Variants in HYLS1 observed in about 807,000 individuals in gnomAD.
The protein encoded by HYLS1 is centriolar and ciliogenesis-associated protein HYLS1.
A neutral mutation model predicts 29.4 loss-of-function variants in HYLS1; 25 were observed. The ratio of observed to expected loss-of-function variants is 0.85; its 90% CI spans 0.62 to 1.19. HYLS1 has a LOEUF of 1.19. Among genes scored for constraint, HYLS1 ranks in the 50% most tolerant of loss-of-function variants. The pLI is 0.00. For missense variants in HYLS1, 352 were observed against 365.1 expected (o/e 0.96, Z 0.29); for synonymous variants, 128 against 126.7 (o/e 1.01, Z -0.07).
intron 2 of HYLS1, chr11:125,893,676 T>TTAA: frequency 1.3e-6 from 1 of 779,994 alleles, no homozygotes; most frequent in South Asian, 3.2e-5. Flanking sequence ...TTTTTTCTTT[T>TTAA]AAGAGCTGAT....
At chr11:125,896,325 C>G (rs752289202) in intron 2 of HYLS1, 1 of 1,532,376 alleles carries the variant, frequency 6.5e-7, no homozygotes, top group East Asian at 2.3e-5. Context: ...TACAGGTCTG[C>G]CCTGTCTGAA....
rs1256061630 is a variant in HYLS1 at position 125,890,938 on chromosome 11, A to AT, written c.-75-485_-75-484insT. On this transcript the variant is annotated intron_variant, in intron 1 of 2. Transcript: ENST00000425380. ...ATAGTAGGACACATGCCATTAAAAA[A>AT]AAAAACTAACTCTTGGCTTTACTGC... 5.9e-5 allele frequency among the ~76,000 whole-genome samples: 9 copies of AT among 152,306 alleles called. No individual in the cohort carries two copies. In the East Asian group the frequency reaches 1.7e-3, roughly 29 times the overall value.
Position 125,899,620 on chromosome 11 carries a change from G to A in HYLS1, c.252G>A (p.Glu84=), listed in dbSNP as rs2134258130. Residue 84 remains glutamate, a synonymous_variant, in exon 3 of 3, where the codon GAG becomes GAA. Transcript: ENST00000425380. ...ESNVPSETVS[E]ASQRLRKPVM... is the part of the protein sequence containing the mutation. ...ATGTCCCTTCAGAAACAGTCTCTGAGGCCTCCCAAAGACTCCGAAAGCCAG... is the reference window on the plus strand; with the variant it reads ...ATGTCCCTTCAGAAACAGTCTCTGAAGCCTCCCAAAGACTCCGAAAGCCAG... The A allele has an allele frequency of 6.2e-7, 1 of 1,614,158 alleles. No individual in the cohort carries two copies. Among genetic ancestry groups the A allele is most frequent in the Non-Finnish European group, 8.5e-7 (1 of 1,180,032 alleles).
chr11:125,886,826 G>A (rs1376345488), upstream of HYLS1, among the ~76,000 whole-genome samples: 2 of 145,500 alleles, frequency 1.4e-5, no homozygotes, highest in African/African-American at 5.1e-5. Flanking sequence ...CAGGAGAATC[G>A]CTTGAACCTG....
chr11:125,900,291 G>C lies in HYLS1; in HGVS notation c.*23G>C. 1.2e-6 allele frequency: 2 copies of C among 1,611,264 alleles called. No homozygotes were observed. The highest frequency in any genetic ancestry group is 2.2e-5 in the South Asian group (2 of 90,834). ...TAAATCTTTTTAAACTTCTTTCACA[G>C]GATTGTTTGAGATAACCTAGCTCTT... On this transcript the variant is annotated 3_prime_UTR_variant, in exon 3 of 3. Transcript: ENST00000425380.
chr11:125,885,874 T>C (rs1944297149), upstream of HYLS1, among the ~76,000 whole-genome samples: 1 of 152,078 alleles, frequency 6.6e-6, no homozygotes, highest in African/African-American at 2.4e-5. Flanking sequence ...GGGATCTAGG[T>C]TGCATGCTCC....
upstream of HYLS1, among the ~76,000 whole-genome samples, chr11:125,885,776 T>C (rs1944295578): frequency 6.6e-6 from 1 of 152,256 alleles, no homozygotes; most frequent in Non-Finnish European, 1.5e-5. Context: ...CCATCTGGCA[T>C]TACTGCCTGA....
intron 2 of HYLS1, chr11:125,893,724 T>G (rs1433226780): frequency 3.5e-6 from 5 of 1,416,558 alleles, no homozygotes; most frequent in Admixed American, 2.6e-5. Flanking sequence ...AATTTTTTTT[T>G]TTTTCCTTTT....
chr11:125,896,715 T>G (rs551148821), intron 2 of HYLS1, among the ~76,000 whole-genome samples: 1 of 152,354 alleles, frequency 6.6e-6, no homozygotes, highest in Admixed American at 6.5e-5. Context: ...AGTCATAAGA[T>G]TTCTTTATAT....
rs561512418 is a variant in HYLS1, at chr11:125,890,419, C to T, written c.-75-1004C>T. Among the ~76,000 whole-genome samples the T allele has an allele frequency of 3.0e-4, 46 of 152,174 alleles. 1 individual carries two copies. In the South Asian group the frequency reaches 9.6e-3, roughly 32 times the overall value. On this transcript the variant is annotated intron_variant, in intron 1 of 2. Coordinates refer to ENST00000425380, the MANE Select transcript of HYLS1 (RefSeq NM_001134793.2). ...TTGCCTTCATTATGGTATTGTTTGCCTTTGTGGTAGGATGTTTTGTTTTGT... is the reference window on the plus strand; with the variant it reads ...TTGCCTTCATTATGGTATTGTTTGCTTTTGTGGTAGGATGTTTTGTTTTGT...
chr11:125,895,487 T>C lies in HYLS1; in HGVS notation c.-25-3857T>C, dbSNP rs75995371. 1.9e-6 allele frequency: 3 copies of C among 1,614,164 alleles called. No homozygotes were observed. In the East Asian group the frequency reaches 6.7e-5, roughly 36 times the overall value. On this transcript the variant is annotated intron_variant, in intron 2 of 2. Coordinates refer to ENST00000425380, the MANE Select transcript of HYLS1 (RefSeq NM_001134793.2). ...TAATCACACCGTTGGCTACATCCAT[T>C]TTACACAAGTTCCTGAAATCATGGG...
chr11:125,891,070 T>A (rs934975325), intron 1 of HYLS1, among the ~76,000 whole-genome samples: 3 of 152,234 alleles, frequency 2.0e-5, no homozygotes, highest in Non-Finnish European at 4.4e-5. Flanking sequence ...TTCCAACATT[T>A]ATTTAGTCCT....
chr11:125,898,452 G>A (rs56270014), intron 2 of HYLS1, among the ~76,000 whole-genome samples: 27,882 of 152,072 alleles, frequency 0.18, 2,582 homozygotes, highest in Middle Eastern at 0.2. Flanking sequence ...AGGCGGGTGG[G>A]TTGCCTGAGG....
intron 1 of HYLS1, among the ~76,000 whole-genome samples, chr11:125,889,318 A>G (rs892704180): frequency 6.6e-6 from 1 of 152,182 alleles, no homozygotes; most frequent in Non-Finnish European, 1.5e-5. Flanking sequence ...ATAAAATGGT[A>G]TGGTAGTGGT....
intron 2 of HYLS1, among the ~76,000 whole-genome samples, chr11:125,897,976 TTCA>T (rs1411594135): frequency 6.6e-6 from 1 of 152,192 alleles, no homozygotes; most frequent in African/African-American, 2.4e-5. Flanking sequence ...TTATGATACA[TTCA>T]TACATTGGAA....
intron 1 of HYLS1, among the ~76,000 whole-genome samples, chr11:125,890,766 A>G (rs902175249): frequency 5.3e-5 from 8 of 152,160 alleles, no homozygotes; most frequent in African/African-American, 1.9e-4. Flanking sequence ...TTTATATTAG[A>G]AAGAGAAGGA....
Position 125,896,127 on chromosome 11 carries a change from C to T in HYLS1, c.-25-3217C>T, listed in dbSNP as rs117878071. The T allele has an allele frequency of 4.8e-3, 7,709 of 1,614,160 alleles. 21 individuals carry two copies. The highest frequency in any genetic ancestry group is 5.9e-3 in the Non-Finnish European group (7,009 of 1,180,004). The stretch of plus-strand genomic sequence containing the variant: ...GCCATGAGCACTGAAATCAAATGCA[C>T]GCTTAGTTTTTCCAGCTCCTGCTGA... On this transcript the variant is annotated intron_variant, in intron 2 of 2. Transcript: ENST00000425380.
At chr11:125,895,171 C>G in intron 2 of HYLS1, 1 of 1,439,920 alleles carries the variant, frequency 6.9e-7, no homozygotes. Context: ...CTCAAGCGTC[C>G]CGAGTAGCTG....
intron 2 of HYLS1, chr11:125,894,005 C>T (rs201659793): frequency 2.5e-5 from 40 of 1,614,012 alleles, no homozygotes; most frequent in Admixed American, 1.7e-4. Flanking sequence ...CTTATATGTG[C>T]GCATCTTCAC....
Sources: allele counts gnomAD v4.1 joint callset (sites outside exome capture counted in the v4.1 genomes callset), GRCh38; gene constraint gnomAD v4.1.1; transcripts MANE v1.5; gene names NCBI Gene and HGNC (gene_info 2026-07-23, HGNC 2026-07-21).